Variants in VAT1L observed in about 807,000 individuals in gnomAD.
VAT1L encodes vesicle amine transport 1 like.
Under a neutral mutation model 44.1 loss-of-function variants are expected in VAT1L, and 34 were observed. That is an observed-to-expected ratio of 0.77 (90% CI 0.59 to 1.03). VAT1L has a LOEUF of 1.03. Ranked by LOEUF, VAT1L falls within the 50% of genes least tolerant of loss-of-function variation. VAT1L has a pLI of 0.00. For missense variants in VAT1L, 615 were observed against 538.8 expected, an observed-to-expected ratio of 1.14 and a Z score of -1.40; for synonymous variants, 253 against 202.2, an observed-to-expected ratio of 1.25 and a Z score of -2.13.
intron 1 of VAT1L, chr16:77,800,901 T>A (rs1189398755): frequency 1.3e-5 from 2 of 152,220 alleles, no homozygotes; most frequent in African/African-American, 2.4e-5. Flanking sequence ...CGATCTCGGT[T>A]CACTGCGAAC....
intron 7 of VAT1L, among the ~76,000 whole-genome samples, chr16:77,957,263 A>C (rs2018113697): frequency 6.6e-6 from 1 of 152,176 alleles, no homozygotes; most frequent in African/African-American, 2.4e-5. Flanking sequence ...ACCTTCAGAC[A>C]TTATGGAATG....
intron 7 of VAT1L, among the ~76,000 whole-genome samples, chr16:77,893,920 C>G (rs1330612379): frequency 1.3e-5 from 2 of 152,104 alleles, no homozygotes; most frequent in Non-Finnish European, 2.9e-5. Context: ...TTTATATGTG[C>G]CAAGTACCTT....
At chr16:77,887,817 C>G (rs2017224698) in intron 7 of VAT1L, among the ~76,000 whole-genome samples, 4 of 152,190 alleles carry the variant, frequency 2.6e-5, no homozygotes, top group Admixed American at 2.6e-4. Flanking sequence ...TGGACTCAAG[C>G]AATACCTAAA....
chr16:77,926,270 A>G (rs1338583404), intron 7 of VAT1L, among the ~76,000 whole-genome samples: 1 of 150,038 alleles, frequency 6.7e-6, no homozygotes, highest in Non-Finnish European at 1.5e-5. Context: ...AAAAAAAAAA[A>G]AAAAAAATAG....
intron 4 of VAT1L, among the ~76,000 whole-genome samples, chr16:77,871,834 C>G (rs747709202): frequency 4.6e-5 from 7 of 152,190 alleles, no homozygotes; most frequent in African/African-American, 7.2e-5. Flanking sequence ...TCAAGAGCAT[C>G]AAGCCTCAGC....
At chr16:77,839,182 A>AG (rs2016674500) in intron 3 of VAT1L, among the ~76,000 whole-genome samples, 2 of 152,002 alleles carry the variant, frequency 1.3e-5, no homozygotes, top group Admixed American at 6.6e-5. Flanking sequence ...TGTCTGAAGG[A>AG]GGGGGAGGGA....
chr16:77,935,152 GA>G (rs2017778208), intron 7 of VAT1L, among the ~76,000 whole-genome samples: 1 of 152,072 alleles, frequency 6.6e-6, no homozygotes, highest in African/African-American at 2.4e-5. Context: ...ATGATTTACA[GA>G]ATGTACAGCA....
chr16:77,800,974 A>G (rs2016038361), intron 1 of VAT1L: 1 of 152,154 alleles, frequency 6.6e-6, no homozygotes, highest in African/African-American at 2.4e-5. Context: ...GATCACAGGC[A>G]TGTGCCACCA....
intron 7 of VAT1L, among the ~76,000 whole-genome samples, chr16:77,926,457 G>C (rs555084895): frequency 1.3e-5 from 2 of 151,802 alleles, no homozygotes; most frequent in African/African-American, 4.8e-5. Context: ...GGTGGCAGGC[G>C]CCTGTAATCC....
chr16:77,974,770 T>C (rs865927827), intron 8 of VAT1L, among the ~76,000 whole-genome samples: 3 of 152,104 alleles, frequency 2.0e-5, no homozygotes, highest in South Asian at 2.1e-4. Flanking sequence ...GGTTTCACCA[T>C]GTTGGCCAGG....
chr16:77,907,951 A>T (rs2017455066), intron 7 of VAT1L, among the ~76,000 whole-genome samples: 1 of 152,210 alleles, frequency 6.6e-6, no homozygotes, highest in Non-Finnish European at 1.5e-5. Context: ...TAGAAAAGCC[A>T]TCAAAAGGGC....
At chr16:77,897,131 C>T (rs1170769637) in intron 7 of VAT1L, among the ~76,000 whole-genome samples, 2 of 152,188 alleles carry the variant, frequency 1.3e-5, no homozygotes, top group Non-Finnish European at 2.9e-5. Context: ...AACTGTGCTG[C>T]AGACCAAGAT....
chr16:77,847,367 G>C (rs561217623), intron 3 of VAT1L, among the ~76,000 whole-genome samples: 66 of 152,210 alleles, frequency 4.3e-4, no homozygotes, highest in Middle Eastern at 3.4e-3. Context: ...CCTCTCCCCC[G>C]GTCTTCCCGT....
chr16:77,828,084 G>A (rs2016543196), intron 3 of VAT1L, among the ~76,000 whole-genome samples: 2 of 152,150 alleles, frequency 1.3e-5, no homozygotes, highest in South Asian at 2.1e-4. Flanking sequence ...GGCAATTAAA[G>A]GTTACCATTA....
At chr16:77,828,078 A>G (rs2016543069) in intron 3 of VAT1L, among the ~76,000 whole-genome samples, 1 of 152,160 alleles carries the variant, frequency 6.6e-6, no homozygotes, top group Admixed American at 6.5e-5. Flanking sequence ...GTGTGTGGCA[A>G]TTAAAGGTTA....
intron 7 of VAT1L, among the ~76,000 whole-genome samples, chr16:77,946,276 G>GTTTTTTTTTTTTTTTTTT (rs1597114758): frequency 5.9e-5 from 2 of 33,854 alleles, no homozygotes; most frequent in African/African-American, 2.2e-4. Context: ...TAGGTTACTT[G>GTTTTTTTTTTTTTTTTTT]TTCTTTTTTT....
intron 5 of VAT1L, 105 bp downstream of exon 5, chr16:77,876,578 G>C: frequency 1.1e-6 from 1 of 930,926 alleles, no homozygotes; most frequent in South Asian, 1.5e-5. Context: ...TGGGGTAGTG[G>C]GATGGGGGTG....
intron 7 of VAT1L, among the ~76,000 whole-genome samples, chr16:77,920,814 G>A (rs1192605266): frequency 6.6e-6 from 1 of 152,114 alleles, no homozygotes; most frequent in African/African-American, 2.4e-5. Context: ...TAGGTGTATG[G>A]TAGGCTATAC....
intron 7 of VAT1L, among the ~76,000 whole-genome samples, chr16:77,948,830 G>A (rs942338692): frequency 1.4e-4 from 22 of 152,080 alleles, no homozygotes; most frequent in African/African-American, 1.7e-4. Flanking sequence ...TTCTACATAT[G>A]TAACATGAGG....
Sources: gnomAD v4.1 joint callset for allele counts (sites outside exome capture counted in the v4.1 genomes callset) on GRCh38, gnomAD v4.1.1 for gene constraint, MANE v1.5 for transcripts, NCBI Gene and HGNC (gene_info 2026-07-23, HGNC 2026-07-21) for gene names.